The following ADAMTSL1 variants were observed in gnomAD, a reference collection of about 807,000 sequenced individuals.
ADAMTSL1 encodes ADAMTS-like protein 1.
A neutral mutation model predicts 201.8 loss-of-function variants in ADAMTSL1; 126 were observed. The observed-to-expected ratio is 0.62, with a 90% CI of 0.54 to 0.72. ADAMTSL1 has a LOEUF of 0.72. ADAMTSL1 is among the 30% of genes least tolerant of loss of function. ADAMTSL1 has a pLI of 0.00. For missense variants in ADAMTSL1, 2,679 were observed against 2,277.8 expected (o/e 1.18, Z -3.59); for synonymous variants, 1,121 against 903.4 (o/e 1.24, Z -4.32).
At chr9:18,838,360 TACACACACACAC>T (rs775337751) in intron 23 of ADAMTSL1, among the ~76,000 whole-genome samples, 11 of 86,694 alleles carry the variant, frequency 1.3e-4, no homozygotes, top group African/African-American at 2.7e-4. Context: ...CAAACCATAT[TACACACACACAC>T]ACACACACAC....
Position 18,887,850 on chromosome 9 carries a change from C to T in ADAMTSL1, c.4269C>T (p.His1423=). The change falls in exon 24 of 29, where the codon CAC becomes CAT. Residue 1423 remains histidine (H), a synonymous_variant. Transcript: ENST00000380548. ...SALLGCPIKG[H]PVPNITWFHG... is the part of the protein sequence containing the mutation. ...TTCTAGGCTGCCCCATCAAAGGTCA[C>T]CCTGTCCCTAATATCACCTGGTTTC... 6.2e-7 allele frequency: 1 copy of T among 1,613,900 alleles called. No individual in the cohort carries two copies. Among genetic ancestry groups the T allele is most frequent in the Non-Finnish European group, 8.5e-7 (1 of 1,179,876 alleles).
rs141151577 is a variant in ADAMTSL1 at position 18,203,062 on chromosome 9, C to T, written c.207+39081C>T. On this transcript the variant is annotated intron_variant, in intron 2 of 29. Coordinates refer to the ADAMTSL1 transcript ENST00000680146. ...TGTCAGGTAGCCACCTTTCCCAGCT[C>T]TTTCCTGACCAGGTTATACCCAAGT... 2.6e-3 allele frequency among the ~76,000 whole-genome samples: 395 copies of T among 152,224 alleles called. 1 individual carries two copies. The highest frequency in any genetic ancestry group is 4.0e-3 in the Non-Finnish European group (271 of 68,012).
In ADAMTSL1 at chr9:18,350,464, G is replaced by A. The variant is rs954122253; in HGVS notation, c.208-154365G>A. ...CCTGTACCCCAAGTTTGAGATAATTGTGAAGGTGAATTGGCTGCATATTGA... is the reference window on the plus strand; with the variant it reads ...CCTGTACCCCAAGTTTGAGATAATTATGAAGGTGAATTGGCTGCATATTGA... On this transcript the variant is annotated intron_variant, in intron 2 of 29. Transcript: ENST00000680146. Among the ~76,000 whole-genome samples the A allele has an allele frequency of 2.0e-5, 3 of 152,046 alleles. 1 individual carries two copies. Among genetic ancestry groups the A allele is most frequent in the Non-Finnish European group, 4.4e-5 (3 of 68,010 alleles).
At chr9:17,921,602 C>T (rs762136155) in intron 1 of ADAMTSL1, among the ~76,000 whole-genome samples, 3 of 152,062 alleles carry the variant, frequency 2.0e-5, no homozygotes, top group African/African-American at 7.2e-5. Context: ...CTTGTTATAA[C>T]TCATTCTGGT....
intron 14 of ADAMTSL1, among the ~76,000 whole-genome samples, chr9:18,708,054 C>A (rs1319028984): frequency 1.3e-5 from 2 of 152,222 alleles, no homozygotes; most frequent in Non-Finnish European, 2.9e-5. Flanking sequence ...CTATTAGTAA[C>A]CCCTTTGAGC....
chr9:18,504,697 G>GA, intron 1 of ADAMTSL1, 132 bp from the exon 2 acceptor site: 1 of 1,269,432 alleles, frequency 7.9e-7, no homozygotes, highest in African/African-American at 1.5e-5. Context: ...AAGAATCCGA[G>GA]AATCTGATTG....
Position 18,909,756 on chromosome 9 carries a change from C to T in ADAMTSL1, c.*1208C>T, listed in dbSNP as rs1325271660. On this transcript the variant is annotated 3_prime_UTR_variant, in exon 29 of 29. Coordinates refer to ENST00000380548, the MANE Select transcript of ADAMTSL1 (RefSeq NM_001040272.6). Reference sequence around the variant, plus strand: ...GGTTTATGCGTGTCCACAGTACACCCTCCCTCTCCCAGCCTCCACCCCAGG... The same window carrying T: ...GGTTTATGCGTGTCCACAGTACACCTTCCCTCTCCCAGCCTCCACCCCAGG... 1 of 152,214 alleles carries T rather than the reference C, an allele frequency of 6.6e-6. No homozygotes were observed. The highest frequency in any genetic ancestry group is 1.5e-5 in the Non-Finnish European group (1 of 68,116). The allele number at this position is 152,214 out of a possible 1,614,324, so 9.4% of individuals were successfully genotyped here. A position where few individuals can be genotyped will look rare whatever the true frequency, so the allele number is the denominator to read the frequency against.
intron 1 of ADAMTSL1, among the ~76,000 whole-genome samples, chr9:17,978,207 C>G (rs1035123169): frequency 3.3e-5 from 5 of 151,950 alleles, no homozygotes; most frequent in Non-Finnish European, 7.4e-5. Flanking sequence ...CGAAGTGAGT[C>G]TGTTTTGTAG....
chr9:18,257,510 A>G (rs1386334971), intron 2 of ADAMTSL1, among the ~76,000 whole-genome samples: 6 of 152,256 alleles, frequency 3.9e-5, no homozygotes, highest in African/African-American at 1.4e-4. Flanking sequence ...AATAATAATA[A>G]TAACAACAAC....
chr9:18,112,676 A>G (rs1049300445), intron 1 of ADAMTSL1, among the ~76,000 whole-genome samples: 2 of 152,132 alleles, frequency 1.3e-5, no homozygotes, highest in African/African-American at 4.8e-5. Context: ...CATACATAGT[A>G]GTAGGAGACA....
intron 2 of ADAMTSL1, among the ~76,000 whole-genome samples, chr9:18,249,149 C>T (rs962520988): frequency 6.6e-6 from 1 of 152,030 alleles, no homozygotes; most frequent in Non-Finnish European, 1.5e-5. Flanking sequence ...ACAAGGAAGC[C>T]ATGTAAGCAG....
chr9:18,737,261 G>T (rs374760343), intron 15 of ADAMTSL1, among the ~76,000 whole-genome samples: 1 of 137,586 alleles, frequency 7.3e-6, no homozygotes, highest in African/African-American at 2.7e-5. Flanking sequence ...GGAGGTTGCA[G>T]TGAACTGAGA....
At chr9:18,641,677 A>C (rs1164101179) in intron 7 of ADAMTSL1, among the ~76,000 whole-genome samples, 3 of 152,050 alleles carry the variant, frequency 2.0e-5, no homozygotes, top group Admixed American at 6.6e-5. Flanking sequence ...AAGGAGCCAG[A>C]TTATTGAAGT....
chr9:18,792,552 C>G (rs542625453), intron 19 of ADAMTSL1, among the ~76,000 whole-genome samples: 49 of 152,286 alleles, frequency 3.2e-4, no homozygotes, highest in South Asian at 1.0e-3. Context: ...TAATTTCTAC[C>G]TTTGCCATGT....
intron 2 of ADAMTSL1, among the ~76,000 whole-genome samples, chr9:18,175,809 C>A (rs899414839): frequency 6.6e-6 from 1 of 151,768 alleles, no homozygotes; most frequent in African/African-American, 2.4e-5. Context: ...CCATGGCATG[C>A]CTCCTCAGGC....
chr9:18,621,305 T>C (rs1826018915), intron 4 of ADAMTSL1, among the ~76,000 whole-genome samples: 1 of 152,092 alleles, frequency 6.6e-6, no homozygotes, highest in Admixed American at 6.6e-5. Flanking sequence ...TAAAAGCCTG[T>C]GATGTTGTTA....
At chr9:18,201,340 G>A (rs552868746) in intron 2 of ADAMTSL1, among the ~76,000 whole-genome samples, 1 of 152,008 alleles carries the variant, frequency 6.6e-6, no homozygotes, top group East Asian at 1.9e-4. Context: ...GGATGATGTC[G>A]AGTTATCTTT....
chr9:18,175,052 A>G (rs2132142999), intron 2 of ADAMTSL1, among the ~76,000 whole-genome samples: 1 of 152,318 alleles, frequency 6.6e-6, no homozygotes, highest in Admixed American at 6.5e-5. Context: ...TTAAATTTTA[A>G]CACCAACTTT....
chr9:18,746,855 C>A (rs144115041), intron 15 of ADAMTSL1, among the ~76,000 whole-genome samples: 1 of 151,660 alleles, frequency 6.6e-6, no homozygotes, highest in African/African-American at 2.4e-5. Context: ...CATCATGGGT[C>A]GTTGATTACC....
Sources: allele counts gnomAD v4.1 joint callset (sites outside exome capture counted in the v4.1 genomes callset), GRCh38; gene constraint gnomAD v4.1.1; transcripts MANE v1.5; gene names NCBI Gene and HGNC (gene_info 2026-07-23, HGNC 2026-07-21).